Variants in WDR70 observed in about 807,000 individuals in gnomAD.
WDR70 encodes the protein WD repeat domain 70, also known as WD repeat-containing protein 70.
In WDR70, 53 loss-of-function variants were observed where a neutral mutation model predicts 88.6. That is an observed-to-expected ratio of 0.60 (90% CI 0.48 to 0.75). The LOEUF (loss-of-function observed/expected upper bound fraction) is 0.75, where lower values mean the gene tolerates loss of function less well. WDR70 is among the 30% of genes least tolerant of loss of function. The pLI is 0.00. For missense variants in WDR70, 610 were observed against 823.2 expected (o/e 0.74, Z 3.17); for synonymous variants, 280 against 270.0 (o/e 1.04, Z -0.36).
chr5:37,528,577 A>G (rs1015489499), intron 9 of WDR70, among the ~76,000 whole-genome samples: 3 of 152,298 alleles, frequency 2.0e-5, no homozygotes, highest in African/African-American at 7.2e-5. Context: ...ATGTAAACAT[A>G]TGTAACAAAC....
At chr5:37,671,160 G>A (rs1260722213) in intron 10 of WDR70, among the ~76,000 whole-genome samples, 1 of 151,086 alleles carries the variant, frequency 6.6e-6, no homozygotes, top group Non-Finnish European at 1.5e-5. Context: ...TTCCCAATGA[G>A]GAGAAAAAAC....
At chr5:37,679,886 C>T (rs6884551) in intron 10 of WDR70, among the ~76,000 whole-genome samples, 63,022 of 152,176 alleles carry the variant, frequency 0.41, 14,658 homozygotes, top group Admixed American at 0.54. Flanking sequence ...GTGGGCTCCA[C>T]CCAGTTGGAG....
intron 9 of WDR70, among the ~76,000 whole-genome samples, chr5:37,555,612 T>C (rs988273614): frequency 3.9e-5 from 6 of 152,214 alleles, no homozygotes; most frequent in African/African-American, 1.4e-4. Flanking sequence ...GCTATAAGTA[T>C]AGTTTACCTA....
At chr5:37,429,957 T>C (rs1402199451) in intron 5 of WDR70, among the ~76,000 whole-genome samples, 1 of 152,244 alleles carries the variant, frequency 6.6e-6, no homozygotes. Flanking sequence ...CCTAACAATA[T>C]TAAGTTTTCC....
At chr5:37,428,660 C>A (rs1381009902) in intron 5 of WDR70, among the ~76,000 whole-genome samples, 2 of 152,132 alleles carry the variant, frequency 1.3e-5, no homozygotes, top group Non-Finnish European at 2.9e-5. Flanking sequence ...ATAGATTATT[C>A]ATCTTTTGAT....
intron 7 of WDR70, among the ~76,000 whole-genome samples, chr5:37,449,476 T>C (rs1416527284): frequency 6.6e-6 from 1 of 151,654 alleles, no homozygotes; most frequent in Non-Finnish European, 1.5e-5. Context: ...CCTGTAATCC[T>C]GGTTACTTCA....
chr5:37,584,246 T>TA (rs1743302186), intron 9 of WDR70, among the ~76,000 whole-genome samples: 1 of 152,232 alleles, frequency 6.6e-6, no homozygotes, highest in Admixed American at 6.5e-5. Flanking sequence ...TTATGAGTCT[T>TA]ACAGGAATCT....
chr5:37,382,059 A>G (rs551140353), intron 3 of WDR70, among the ~76,000 whole-genome samples: 3 of 152,014 alleles, frequency 2.0e-5, no homozygotes, highest in African/African-American at 7.2e-5. Flanking sequence ...ATCTCAGAGA[A>G]CAAAGAGAGA....
intron 10 of WDR70, among the ~76,000 whole-genome samples, chr5:37,619,288 A>C (rs1431790575): frequency 6.6e-6 from 1 of 152,072 alleles, no homozygotes; most frequent in African/African-American, 2.4e-5. Context: ...AAAAAAAAAA[A>C]AAACTTTTGA....
chr5:37,441,753 A>G (rs1243564038), intron 6 of WDR70, among the ~76,000 whole-genome samples: 2 of 152,006 alleles, frequency 1.3e-5, no homozygotes, highest in Non-Finnish European at 2.9e-5. Context: ...AGCAGGCAGA[A>G]GTTGCAGTGA....
chr5:37,480,025 GCACA>G, intron 8 of WDR70, 38 bp downstream of exon 8: 1 of 1,576,594 alleles, frequency 6.3e-7, no homozygotes, highest in Non-Finnish European at 8.6e-7. Flanking sequence ...AATTAATTCA[GCACA>G]CATTTATTAA....
chr5:37,429,540 C>CT (rs1750239458), intron 5 of WDR70, among the ~76,000 whole-genome samples: 2 of 151,904 alleles, frequency 1.3e-5, no homozygotes, highest in African/African-American at 4.8e-5. Context: ...ATTGGAGTTC[C>CT]TTTTTTATTT....
At chr5:37,477,125 T>C (rs866622271) in intron 7 of WDR70, among the ~76,000 whole-genome samples, 14 of 152,342 alleles carry the variant, frequency 9.2e-5, no homozygotes, top group Admixed American at 2.0e-4. Flanking sequence ...TCATAACTTA[T>C]TCATTCATTT....
intron 9 of WDR70, among the ~76,000 whole-genome samples, chr5:37,562,691 C>T (rs1190487063): frequency 6.6e-6 from 1 of 152,156 alleles, no homozygotes; most frequent in Non-Finnish European, 1.5e-5. Flanking sequence ...TAACAAAGCA[C>T]ATCTTGCACC....
At chr5:37,484,552 AGGGAGAGGGAGACCGTG>A (rs1404253852) in intron 8 of WDR70, among the ~76,000 whole-genome samples, 10 of 151,966 alleles carry the variant, frequency 6.6e-5, no homozygotes, top group Non-Finnish European at 1.0e-4. Flanking sequence ...GTGGAAAGAG[AGGGAGAGGGAGACCGTG>A]GGGAGAGGGA....
At chr5:37,674,283 G>A (rs1746129056) in intron 10 of WDR70, among the ~76,000 whole-genome samples, 1 of 151,624 alleles carries the variant, frequency 6.6e-6, no homozygotes, top group Non-Finnish European at 1.5e-5. Context: ...TGCACAATGT[G>A]CAGGTTAGTT....
chr5:37,467,729 A>T (rs953500016), intron 7 of WDR70, among the ~76,000 whole-genome samples: 9 of 144,978 alleles, frequency 6.2e-5, no homozygotes, highest in African/African-American at 1.5e-4. Context: ...ATTTTATTTT[A>T]TTTTTTTTAG....
chr5:37,532,763 A>G (rs80209433), intron 9 of WDR70, among the ~76,000 whole-genome samples: 1 of 152,040 alleles, frequency 6.6e-6, no homozygotes, highest in Non-Finnish European at 1.5e-5. Flanking sequence ...TTTTCTGGCA[A>G]TTGAGATATT....
intron 13 of WDR70, among the ~76,000 whole-genome samples, chr5:37,712,945 A>G (rs1156381761): frequency 1.3e-5 from 2 of 151,960 alleles, no homozygotes; most frequent in African/African-American, 4.8e-5. Context: ...CAGGTGATCT[A>G]CCCAGCTCAG....
Sources: gnomAD v4.1 joint callset for allele counts (sites outside exome capture counted in the v4.1 genomes callset) on GRCh38, gnomAD v4.1.1 for gene constraint, MANE v1.5 for transcripts, NCBI Gene and HGNC (gene_info 2026-07-23, HGNC 2026-07-21) for gene names.